ACSS3: variants seen among roughly 807,000 people sequenced by gnomAD.
ACSS3 encodes the protein acyl-CoA synthetase short chain family member 3.
In ACSS3, 64 loss-of-function variants were observed where a neutral mutation model predicts 84.2. That is an observed-to-expected ratio of 0.76 (90% CI 0.62 to 0.94). The LOEUF is 0.94. ACSS3 is among the 40% of genes least tolerant of loss of function. The probability of loss-of-function intolerance (pLI) is 0.00; values close to 1 mark genes in which losing one functional copy is unlikely to be tolerated. For synonymous variants in ACSS3, 317 were observed against 310.1 expected, an observed-to-expected ratio of 1.02 and a Z score of -0.23; for missense variants, 815 against 867.6, an observed-to-expected ratio of 0.94 and a Z score of 0.76.
chr12:81,254,820 A>G (rs2136023260), intron 15 of ACSS3, 37 bp from the exon 16 acceptor site: 1 of 1,479,176 alleles, frequency 6.8e-7, no homozygotes, highest in Non-Finnish European at 9.3e-7. Flanking sequence ...AAGAAATTCA[A>G]GGAAGAGTAT....
At chr12:81,107,503 AATATATACATATATATATATATATAT>A (rs202076580) in intron 1 of ACSS3, among the ~76,000 whole-genome samples, 2,198 of 59,570 alleles carry the variant, frequency 0.037, 166 homozygotes, top group Non-Finnish European at 0.048. Flanking sequence ...TTCAGGTACA[AATATATACATATATATATATATATAT>A]ATATATATAT....
chr12:81,144,027 G>A (rs1287350220), intron 5 of ACSS3, among the ~76,000 whole-genome samples: 28 of 152,048 alleles, frequency 1.8e-4, no homozygotes, highest in Admixed American at 1.8e-3. Context: ...GTAGGGGACG[G>A]GACTTTCATA....
At chr12:81,162,645 C>G (rs1020825424) in intron 7 of ACSS3, among the ~76,000 whole-genome samples, 1 of 152,130 alleles carries the variant, frequency 6.6e-6, no homozygotes, top group Non-Finnish European at 1.5e-5. Flanking sequence ...GGGGACCCAC[C>G]CCTTTCCACC....
intron 7 of ACSS3, among the ~76,000 whole-genome samples, chr12:81,162,286 C>A (rs943846861): frequency 6.6e-6 from 1 of 152,094 alleles, no homozygotes; most frequent in Admixed American, 6.5e-5. Context: ...GAGGGTAGCT[C>A]CTATCTGGAG....
chr12:81,211,182 G>T (rs189867771), intron 9 of ACSS3, among the ~76,000 whole-genome samples: 64 of 152,158 alleles, frequency 4.2e-4, no homozygotes, highest in Middle Eastern at 3.4e-3. Flanking sequence ...GTTTCACCAC[G>T]TTGCCCAGGC....
At chr12:81,162,984 C>A (rs1480804603) in intron 7 of ACSS3, among the ~76,000 whole-genome samples, 3 of 152,044 alleles carry the variant, frequency 2.0e-5, no homozygotes, top group Admixed American at 6.5e-5. Context: ...GGGACAGGGG[C>A]TTCCTGGGCC....
At chr12:81,111,254 C>G (rs537066266) in intron 2 of ACSS3, among the ~76,000 whole-genome samples, 1 of 152,306 alleles carries the variant, frequency 6.6e-6, no homozygotes, top group Admixed American at 6.5e-5. Flanking sequence ...ACTAGACTCA[C>G]TGCCTTGAGT....
chr12:81,216,938 A>T lies in ACSS3; in HGVS notation c.1392A>T (p.Leu464Phe). 6.2e-7 allele frequency: 1 copy of T among 1,611,440 alleles called. No homozygotes were observed. The highest frequency in any genetic ancestry group is 8.5e-7 in the Non-Finnish European group (1 of 1,178,094). Residue 464 changes from leucine (L) to phenylalanine (F), a missense_variant, in exon 10 of 16, where the codon TTA becomes TTT. By Grantham distance (22) the Leu-to-Phe change is conservative. Transcript: ENST00000548058. ...CAATTACTGCGTCATGTGTTGGATT[A>T]GGCAATTCTAAAACACCTCCACCAG... Reference protein sequence around the residue: ...GSPITASCVGLGNSKTPPPGQ... With the variant: ...GSPITASCVGFGNSKTPPPGQ...
At chr12:81,148,496 C>CATTTA (rs2135745869) in intron 5 of ACSS3, among the ~76,000 whole-genome samples, 1 of 152,208 alleles carries the variant, frequency 6.6e-6, no homozygotes, top group African/African-American at 2.4e-5. Flanking sequence ...ATTTTTTAAA[C>CATTTA]ACCATAAACA....
chr12:81,114,185 T>C (rs7302831), intron 2 of ACSS3, among the ~76,000 whole-genome samples: 80,513 of 151,860 alleles, frequency 0.53, 21,735 homozygotes, highest in East Asian at 0.68. Context: ...GGAAAATTGA[T>C]AAAACCAATT....
intron 15 of ACSS3, among the ~76,000 whole-genome samples, chr12:81,254,284 C>G (rs535774369): frequency 1.3e-3 from 196 of 152,188 alleles, no homozygotes; most frequent in Admixed American, 4.0e-3. Flanking sequence ...TTTGTGGAAA[C>G]TTAATCCTAT....
intron 2 of ACSS3, among the ~76,000 whole-genome samples, chr12:81,132,379 T>G (rs944110224): frequency 6.6e-6 from 1 of 152,172 alleles, no homozygotes; most frequent in East Asian, 1.9e-4. Context: ...GTACAGGAAT[T>G]TATCCATTTC....
At chr12:81,163,476 C>T (rs554526564) in intron 7 of ACSS3, among the ~76,000 whole-genome samples, 4 of 152,296 alleles carry the variant, frequency 2.6e-5, no homozygotes, top group East Asian at 1.9e-4. Flanking sequence ...TGATAACAAA[C>T]GACTGTGGCT....
At chr12:81,109,138 T>G (rs560179334) in intron 1 of ACSS3, among the ~76,000 whole-genome samples, 1 of 152,292 alleles carries the variant, frequency 6.6e-6, no homozygotes, top group African/African-American at 2.4e-5. Context: ...TTTCGGTAAG[T>G]TTTTCTATTT....
intron 1 of ACSS3, among the ~76,000 whole-genome samples, chr12:81,108,247 CTATTAT>C (rs71098120): frequency 2.1e-5 from 3 of 140,990 alleles, no homozygotes; most frequent in African/African-American, 7.6e-5. Context: ...CTTTCTGTGG[CTATTAT>C]TATTATTATT....
At chr12:81,147,881 A>ACACAAACG (rs1221685852) in intron 5 of ACSS3, among the ~76,000 whole-genome samples, 1 of 151,858 alleles carries the variant, frequency 6.6e-6, no homozygotes, top group African/African-American at 2.4e-5. Context: ...ACACACACAC[A>ACACAAACG]CACACAAACG....
At chr12:81,093,979 C>A (rs911270457) in intron 1 of ACSS3, among the ~76,000 whole-genome samples, 10 of 151,706 alleles carry the variant, frequency 6.6e-5, no homozygotes, top group Non-Finnish European at 1.5e-4. Flanking sequence ...GTGTTTTTTC[C>A]ATTTTTCTAA....
In ACSS3 at chr12:81,127,149, C is replaced by T. The variant is rs1355866690; in HGVS notation, c.457-7667C>T. 2.6e-5 allele frequency among the ~76,000 whole-genome samples: 4 copies of T among 151,654 alleles called. 1 individual carries two copies. Among genetic ancestry groups the T allele is most frequent in the African/African-American group, 7.2e-5 (3 of 41,394 alleles). On this transcript the variant is annotated intron_variant, in intron 2 of 15. Coordinates refer to ENST00000548058, the MANE Select transcript of ACSS3 (RefSeq NM_024560.4). ...TTTCCTGGTTTTAAGAGACATATCT[C>T]AAAATAAATTGGCTTAGCATAATAT...
chr12:81,245,798 AT>A (rs1008458411), intron 13 of ACSS3, among the ~76,000 whole-genome samples: 1 of 151,450 alleles, frequency 6.6e-6, no homozygotes, highest in African/African-American at 2.4e-5. Context: ...ATTGTTTTTT[AT>A]TTTTTTTCAG....
Sources: gnomAD v4.1 joint callset for allele counts (sites outside exome capture counted in the v4.1 genomes callset) on GRCh38, gnomAD v4.1.1 for gene constraint, MANE v1.5 for transcripts, NCBI Gene and HGNC (gene_info 2026-07-23, HGNC 2026-07-21) for gene names.